Variants in PGM2 observed in about 807,000 individuals in gnomAD.
PGM2 encodes phosphoglucomutase 2.
In PGM2, 57 loss-of-function variants were observed where a neutral mutation model predicts 74.6. The ratio of observed to expected loss-of-function variants is 0.76; its 90% CI spans 0.62 to 0.95. The LOEUF is 0.95. Ranked by LOEUF, PGM2 falls within the 40% of genes least tolerant of loss-of-function variation. The pLI, the probability that PGM2 is intolerant of heterozygous loss-of-function variation, is 0.00. For missense variants in PGM2, 706 were observed against 741.9 expected (o/e 0.95, Z 0.56); for synonymous variants, 273 against 260.7 (o/e 1.05, Z -0.46).
intron 4 of PGM2, 75 bp from the exon 5 acceptor site, chr4:37,839,773 A>G (rs1725657028): frequency 1.2e-6 from 1 of 848,586 alleles, no homozygotes; most frequent in Non-Finnish European, 2.0e-6. Flanking sequence ...CATGAACAGT[A>G]TAAAATAGAC....
At chr4:37,851,408 T>C (rs775443245) in intron 12 of PGM2, among the ~76,000 whole-genome samples, 2 of 152,234 alleles carry the variant, frequency 1.3e-5, no homozygotes, top group Non-Finnish European at 2.9e-5. Flanking sequence ...AGCCTGAGTT[T>C]GCATTCTTTA....
chr4:37,856,943 C>A (rs1711541951), intron 13 of PGM2, among the ~76,000 whole-genome samples: 1 of 151,256 alleles, frequency 6.6e-6, no homozygotes, highest in African/African-American at 2.4e-5. Flanking sequence ...GTTTTACATT[C>A]TTTTTTTTTC....
chr4:37,859,678 T>C (rs1056810397), intron 13 of PGM2, among the ~76,000 whole-genome samples: 1 of 152,096 alleles, frequency 6.6e-6, no homozygotes, highest in African/African-American at 2.4e-5. Context: ...CCTAGCCAAA[T>C]TGACACCTAA....
chr4:37,840,119 T>C lies in PGM2; in HGVS notation c.579T>C (p.Ser193=), dbSNP rs370897461. 9 of 1,613,932 alleles carry C rather than the reference T, an allele frequency of 5.6e-6. 1 individual carries two copies. The South Asian group carries it at 7.7e-5, about 14-fold the overall frequency. The change falls in exon 6 of 14, where the codon TCT becomes TCC. Residue 193 remains serine, a synonymous_variant. Transcript: ENST00000381967. ...TTTCTCCTCACGATAAAGGGATTTCTCAAGCTATTGAAGAAAATCTAGAAC... is the reference window on the plus strand; with the variant it reads ...TTTCTCCTCACGATAAAGGGATTTCCCAAGCTATTGAAGAAAATCTAGAAC... The part of the protein sequence containing the change: ...QIISPHDKGI[S]QAIEENLEPW...
rs778009517 is a variant in PGM2 at position 37,844,561 on chromosome 4, A to C, written c.909+8A>C. On this transcript the variant is annotated splice_region_variant and intron_variant, in intron 7 of 13. Coordinates refer to ENST00000381967, the MANE Select transcript of PGM2 (RefSeq NM_018290.4). Reference sequence around the variant, plus strand: ...GAGGGGAAAGGTGTCTTGGTAACCTAATTTTTTTTTAAATTATGAAATCTG... The same window carrying C: ...GAGGGGAAAGGTGTCTTGGTAACCTCATTTTTTTTTAAATTATGAAATCTG... 3.0e-5 allele frequency: 46 copies of C among 1,552,632 alleles called. No homozygotes were observed. Among genetic ancestry groups the C allele is most frequent in the Middle Eastern group, 1.7e-4 (1 of 5,858 alleles).
In PGM2 at chr4:37,834,606, G is replaced by A. The variant is rs1368246658; in HGVS notation, c.250-12G>A. 1.6e-6 allele frequency: 2 copies of A among 1,225,738 alleles called. No homozygotes were observed. Among genetic ancestry groups the A allele is most frequent in the East Asian group, 2.3e-5 (1 of 42,622 alleles). 75.9% of individuals were successfully genotyped at this position (1,225,738 alleles called of 1,614,324 possible). A position where few individuals can be genotyped will look rare whatever the true frequency, so the allele number is the denominator to read the frequency against. On this transcript the variant is annotated splice_polypyrimidine_tract_variant and intron_variant, in intron 2 of 13. Transcript: ENST00000381967. ...TTAAAACATACTTTTTAAATCTATG[G>A]TGTATTTGTAGGGATTTTGCAGATA...
At chr4:37,836,594 T>G (rs1210374985) in intron 3 of PGM2, among the ~76,000 whole-genome samples, 3 of 152,150 alleles carry the variant, frequency 2.0e-5, no homozygotes, top group Non-Finnish European at 1.5e-5. Flanking sequence ...GCCTTCAGAA[T>G]AGTGTCGGCG....
chr4:37,829,612 C>A (rs1299044025), intron 1 of PGM2, among the ~76,000 whole-genome samples: 1 of 152,060 alleles, frequency 6.6e-6, no homozygotes, highest in Non-Finnish European at 1.5e-5. Context: ...AGATTATTCC[C>A]ATTTTGCAAA....
intron 2 of PGM2, among the ~76,000 whole-genome samples, chr4:37,832,517 AAAATATGTC>A (rs1725465570): frequency 6.6e-6 from 1 of 152,264 alleles, no homozygotes; most frequent in Admixed American, 6.5e-5. Context: ...ATGTGATTCA[AAAATATGTC>A]AAAGGAAACA....
At position 37,841,096 on chromosome 4, in the gene PGM2, A is replaced by ATGTG. The variant is rs1271141747; in HGVS notation, c.719+838_719+839insGTGT. Among the ~76,000 whole-genome samples the ATGTG allele has an allele frequency of 5.6e-3, 642 of 113,852 alleles. 5 individuals carry two copies. Among genetic ancestry groups the ATGTG allele is most frequent in the Non-Finnish European group, 8.4e-3 (466 of 55,476 alleles). 74.7% of individuals were successfully genotyped at this position (113,852 alleles called of 152,430 possible). ...CGTATATATATATATATATATATATATATATGTGTGTGTGTGTGTTTGTAT... is the reference window on the plus strand; with the variant it reads ...CGTATATATATATATATATATATATATGTGTATATGTGTGTGTGTGTGTTTGTAT... On this transcript the variant is annotated intron_variant, in intron 6 of 13. Coordinates refer to ENST00000381967, the MANE Select transcript of PGM2 (RefSeq NM_018290.4).
chr4:37,839,568 A>T, intron 4 of PGM2: 1 of 566,382 alleles, frequency 1.8e-6, no homozygotes, highest in Non-Finnish European at 3.3e-6. Flanking sequence ...GTTGTGTTTG[A>T]AGAATTTTCT....
At position 37,830,119 on chromosome 4, in the gene PGM2, C is replaced by A. The variant is rs772333878; in HGVS notation, c.237C>A (p.Ile79=). ...CTCGTATGAATGACTTGACCATCAT[C>A]CAGACTACACAGGTACCATGTTTTT... ...GISRMNDLTI[I]QTTQGFCRYL... The change falls in exon 2 of 14, where the codon ATC becomes ATA. Residue 79 remains isoleucine, a synonymous_variant. Transcript: ENST00000381967. 1 of 1,578,454 alleles carries A rather than the reference C, an allele frequency of 6.3e-7. No individual in the cohort carries two copies. Among genetic ancestry groups the A allele is most frequent in the Non-Finnish European group, 8.6e-7 (1 of 1,163,322 alleles).
Position 37,839,833 on chromosome 4 carries a change from CCTG to C in PGM2, c.442-12_442-10del, listed in dbSNP as rs554596609. On this transcript the variant is annotated splice_polypyrimidine_tract_variant and intron_variant, in intron 4 of 13. Transcript: ENST00000381967. Reference sequence around the variant, plus strand: ...CGTTAAAAACTGTTTGTTCTTGTTTCCTGCTATGTTACAGCCCTTCACAGTATC... The same window carrying C: ...CGTTAAAAACTGTTTGTTCTTGTTTCCTATGTTACAGCCCTTCACAGTATC... 3.6e-5 allele frequency: 53 copies of C among 1,471,162 alleles called. No homozygotes were observed. The East Asian group carries it at 1.0e-3, about 28-fold the overall frequency. The allele number at this position is 1,471,162 out of a possible 1,614,324, so 91.1% of individuals were successfully genotyped here.
At chr4:37,827,109 C>T (rs182266981) in intron 1 of PGM2, among the ~76,000 whole-genome samples, 196 of 152,362 alleles carry the variant, frequency 1.3e-3, no homozygotes, top group Non-Finnish European at 2.4e-3. Context: ...CGCGGCCAGA[C>T]CCTGGACGCT....
In PGM2 at chr4:37,862,700, C is replaced by T. The variant is rs1204654103; in HGVS notation, c.*1088C>T. 6.6e-6 allele frequency: 1 copy of T among 152,020 alleles called. No individual in the cohort carries two copies. Among genetic ancestry groups the T allele is most frequent in the Admixed American group, 6.6e-5 (1 of 15,218 alleles). 9.4% of individuals were successfully genotyped at this position (152,020 alleles called of 1,614,324 possible). ...GCAAATGATTGCCATTATGATTACA[C>T]TCAACCTAAATAGTTATGAACAGTT... On this transcript the variant is annotated 3_prime_UTR_variant, in exon 14 of 14. Transcript: ENST00000381967.
intron 7 of PGM2, 39 bp downstream of exon 7, chr4:37,844,592 A>G: frequency 7.9e-7 from 1 of 1,262,682 alleles, no homozygotes; most frequent in Non-Finnish European, 1.1e-6. Flanking sequence ...ATCTGCTTTT[A>G]TATTCAAAAC....
chr4:37,836,027 A>G (rs1300794557), intron 3 of PGM2, among the ~76,000 whole-genome samples: 1 of 152,222 alleles, frequency 6.6e-6, no homozygotes, highest in Admixed American at 6.5e-5. Flanking sequence ...GGCAAGTCAG[A>G]TCCTTTGCTC....
chr4:37,840,145 C>T lies in PGM2; in HGVS notation c.605C>T (p.Pro202Leu), dbSNP rs150576315. The T allele has an allele frequency of 1.7e-4, 267 of 1,613,202 alleles. No individual in the cohort carries two copies. The African/African-American group carries it at 3.0e-3, about 18-fold the overall frequency. ...CAAGCTATTGAAGAAAATCTAGAAC[C>T]GTGGCCTCAAGCTTGGGACGATTCT... ...ISQAIEENLE[P>L]WPQAWDDSLI... Residue 202 changes from proline (P) to leucine (L), a missense_variant, in exon 6 of 14, where the codon CCG (proline) becomes CTG (leucine). By Grantham distance (98) the Pro-to-Leu change is moderately conservative. Transcript: ENST00000381967.
Position 37,834,629 on chromosome 4 carries a change from A to G in PGM2, c.261A>G (p.Arg87=). The change falls in exon 3 of 14, where the codon AGA becomes AGG. Residue 87 remains arginine, a synonymous_variant. Coordinates refer to ENST00000381967, the MANE Select transcript of PGM2 (RefSeq NM_018290.4). The part of the protein sequence containing the change: ...TIIQTTQGFC[R]YLEKQFSDLK... Reference sequence around the variant, plus strand: ...TGGTGTATTTGTAGGGATTTTGCAGATACCTGGAAAAACAATTCAGTGACT... The same window carrying G: ...TGGTGTATTTGTAGGGATTTTGCAGGTACCTGGAAAAACAATTCAGTGACT... 2.6e-6 allele frequency: 4 copies of G among 1,552,714 alleles called. No homozygotes were observed. Among genetic ancestry groups the G allele is most frequent in the Non-Finnish European group, 2.7e-6 (3 of 1,127,486 alleles).
Sources: allele counts gnomAD v4.1 joint callset (sites outside exome capture counted in the v4.1 genomes callset), GRCh38; gene constraint gnomAD v4.1.1; transcripts MANE v1.5; gene names NCBI Gene and HGNC (gene_info 2026-07-23, HGNC 2026-07-21).